Variants in NPC1 observed in about 807,000 individuals in gnomAD.
NPC1 encodes the protein NPC intracellular cholesterol transporter 1, also known as Niemann-Pick C1 protein.
Under a neutral mutation model 140.4 loss-of-function variants are expected in NPC1, and 85 were observed. That is an observed-to-expected ratio of 0.61 (90% CI 0.51 to 0.72). The LOEUF (loss-of-function observed/expected upper bound fraction) is 0.72, where lower values mean the gene tolerates loss of function less well. Ranked by LOEUF, NPC1 falls within the 30% of genes least tolerant of loss-of-function variation. The pLI, the probability that NPC1 is intolerant of heterozygous loss-of-function variation, is 0.00. For synonymous variants in NPC1, 656 were observed against 624.8 expected, an observed-to-expected ratio of 1.05 and a Z score of -0.74; for missense variants, 1,504 against 1,623.8, an observed-to-expected ratio of 0.93 and a Z score of 1.27.
intron 1 of NPC1, among the ~76,000 whole-genome samples, chr18:23,573,788 T>G (rs762525179): frequency 6.6e-6 from 1 of 152,222 alleles, no homozygotes; most frequent in Non-Finnish European, 1.5e-5. Flanking sequence ...AATTGCTTAT[T>G]TACATAATTT....
At chr18:23,580,972 G>A (rs968099962) in intron 1 of NPC1, among the ~76,000 whole-genome samples, 1 of 152,230 alleles carries the variant, frequency 6.6e-6, no homozygotes, top group African/African-American at 2.4e-5. Context: ...TAATTTGTGT[G>A]TGCACCAGGC....
chr18:23,576,262 C>T (rs8094030), intron 1 of NPC1, among the ~76,000 whole-genome samples: 1,768 of 152,066 alleles, frequency 0.012, 38 homozygotes, highest in African/African-American at 0.041. Context: ...AAAACAACAA[C>T]AGCCAAAAAT....
In NPC1 at chr18:23,532,110, G is replaced by A. The variant is rs1567940432; in HGVS notation, c.*92C>T. 2.5e-6 allele frequency: 4 copies of A among 1,613,722 alleles called. No individual in the cohort carries two copies. The highest frequency in any genetic ancestry group is 3.4e-6 in the Non-Finnish European group (4 of 1,179,888). ...AACAACCGATGGTTGGCACCATCCG[G>A]TGTTCAACTTGGCCTTGCCGATGCA... On this transcript the variant is annotated 3_prime_UTR_variant, in exon 25 of 25. Coordinates refer to ENST00000269228, the MANE Select transcript of NPC1 (RefSeq NM_000271.5).
downstream of NPC1, chr18:23,530,640 TAACCATAGCCTCA>T (rs2058465761): frequency 6.2e-7 from 1 of 1,601,636 alleles, no homozygotes; most frequent in African/African-American, 1.3e-5. Context: ...AGACTTGGGG[TAACCATAGCCTCA>T]AAGAGTAGCA....
intron 4 of NPC1, among the ~76,000 whole-genome samples, chr18:23,565,900 G>A (rs1464636387): frequency 1.3e-5 from 2 of 150,216 alleles, no homozygotes; most frequent in African/African-American, 5.0e-5. Flanking sequence ...CATGTTATAT[G>A]TCATTTCTTT....
At chr18:23,529,979 TA>T, downstream of NPC1, 2 of 1,507,198 alleles carry the variant, frequency 1.3e-6, no homozygotes, top group Non-Finnish European at 9.2e-7. Context: ...TAGTCTGTTG[TA>T]GCTGAATGAT....
chr18:23,528,075 C>G (rs2058360703), downstream of NPC1: 1 of 558,604 alleles, frequency 1.8e-6, no homozygotes, highest in Admixed American at 3.5e-5. Flanking sequence ...GTAGTAAATT[C>G]AGGGTCCCTG....
At position 23,557,113 on chromosome 18, in the gene NPC1, C is replaced by T. The variant is rs1449948114; in HGVS notation, c.955+4G>A. On this transcript the variant is annotated splice_donor_region_variant and intron_variant, in intron 7 of 24. Transcript: ENST00000269228. ...CCCTTTTATTCATGGACAAATATGC[C>T]TACCTTTGTCACTTGCATTAACAGA... 5.6e-6 allele frequency: 9 copies of T among 1,606,852 alleles called. 1 individual carries two copies. In the South Asian group the frequency reaches 9.9e-5, roughly 18 times the overall value.
At chr18:23,565,059 A>C (rs548865968) in intron 4 of NPC1, among the ~76,000 whole-genome samples, 48 of 152,214 alleles carry the variant, frequency 3.2e-4, no homozygotes, top group Non-Finnish European at 5.7e-4. Flanking sequence ...CACTGTCTTG[A>C]TTTCCATTGC....
chr18:23,569,323 A>T (rs2059169812), intron 3 of NPC1, among the ~76,000 whole-genome samples: 1 of 152,010 alleles, frequency 6.6e-6, no homozygotes. Context: ...CATCAGGAAG[A>T]CAATTATTAT....
chr18:23,557,067 TGACA>T lies in NPC1; in HGVS notation c.955+46_955+49del, dbSNP rs764603220. Reference sequence around the variant, plus strand: ...CCCACTGAGGAAACGAATGCTCTCATGACAGACAGCATCATCTGAACCCTTTTAT... The same window carrying T: ...CCCACTGAGGAAACGAATGCTCTCATGACAGCATCATCTGAACCCTTTTAT... On this transcript the variant is annotated intron_variant, in intron 7 of 24. Coordinates refer to ENST00000269228, the MANE Select transcript of NPC1 (RefSeq NM_000271.5). The T allele has an allele frequency of 5.5e-6, 8 of 1,441,732 alleles. No individual in the cohort carries two copies. The South Asian group carries it at 6.9e-5, about 12-fold the overall frequency. 89.3% of individuals were successfully genotyped at this position (1,441,732 alleles called of 1,614,324 possible).
Position 23,561,539 on chromosome 18 carries a change from A to G in NPC1, c.464-12T>C. On this transcript the variant is annotated splice_polypyrimidine_tract_variant and intron_variant, in intron 4 of 24. Coordinates refer to ENST00000269228, the MANE Select transcript of NPC1 (RefSeq NM_000271.5). ...GGCATTGTACATTGCTAGAAGAGGA[A>G]ACCCAAAGGAAAAAGGAGACAAGAT... 16 of 1,613,720 alleles carry G rather than the reference A, an allele frequency of 9.9e-6. No individual in the cohort carries two copies. Among genetic ancestry groups the G allele is most frequent in the Non-Finnish European group, 1.4e-5 (16 of 1,179,952 alleles).
downstream of NPC1, chr18:23,530,341 G>T: frequency 6.2e-7 from 1 of 1,613,994 alleles, no homozygotes; most frequent in Non-Finnish European, 8.5e-7. Flanking sequence ...AACTAACTCT[G>T]TTCCTGTTGT....
downstream of NPC1, among the ~76,000 whole-genome samples, chr18:23,524,731 A>G (rs917925700): frequency 6.6e-6 from 1 of 151,966 alleles, no homozygotes; most frequent in Non-Finnish European, 1.5e-5. Flanking sequence ...CCCATTCTGG[A>G]AAAGCCAGAC....
Position 23,545,123 on chromosome 18 carries a change from T to G in NPC1, c.1784A>C (p.Lys595Thr), listed in dbSNP as rs966758973. ...KEFINFVKNYKNPNLTISFTA... is the reference protein window; with the variant it reads ...KEFINFVKNYTNPNLTISFTA... Reference sequence around the variant, plus strand: ...GAAGGAAATGGTCAGATTGGGATTCTTGTAGTTTTTCACAAAATTAATAAA... The same window carrying G: ...GAAGGAAATGGTCAGATTGGGATTCGTGTAGTTTTTCACAAAATTAATAAA... Residue 595 changes from lysine (K) to threonine (T), a missense_variant, in exon 12 of 25, where the codon AAG becomes ACG. Transcript: ENST00000269228. The G allele has an allele frequency of 2.5e-6, 4 of 1,613,146 alleles. No homozygotes were observed. Among genetic ancestry groups the G allele is most frequent in the Non-Finnish European group, 3.4e-6 (4 of 1,179,164 alleles).
chr18:23,586,219 G>T, intron 1 of NPC1, 68 bp downstream of exon 1: 1 of 1,500,878 alleles, frequency 6.7e-7, no homozygotes, highest in East Asian at 2.5e-5. Context: ...CGCTGGGCCC[G>T]TCGCCTTCCC....
intron 13 of NPC1, among the ~76,000 whole-genome samples, chr18:23,543,884 G>A (rs2058746977): frequency 6.6e-6 from 1 of 152,132 alleles, no homozygotes. Context: ...CGCCCACGTC[G>A]GGTCTACAGG....
chr18:23,559,782 T>C (rs1381791509), intron 6 of NPC1, among the ~76,000 whole-genome samples: 1 of 152,112 alleles, frequency 6.6e-6, no homozygotes, highest in Non-Finnish European at 1.5e-5. Flanking sequence ...AAACCCCGTC[T>C]CTACTAAAAA....
At chr18:23,577,438 A>G (rs1445698873) in intron 1 of NPC1, among the ~76,000 whole-genome samples, 3 of 105,218 alleles carry the variant, frequency 2.9e-5, no homozygotes, top group African/African-American at 2.8e-5. Flanking sequence ...AGCTAGATAC[A>G]GAGTGTTGAT....
Sources: allele counts gnomAD v4.1 joint callset (sites outside exome capture counted in the v4.1 genomes callset), GRCh38; gene constraint gnomAD v4.1.1; transcripts MANE v1.5; gene names NCBI Gene and HGNC (gene_info 2026-07-23, HGNC 2026-07-21).